The following CADM1 variants were observed in gnomAD, a reference collection of about 807,000 sequenced individuals.
CADM1 encodes cell adhesion molecule 1.
A neutral mutation model predicts 53.1 loss-of-function variants in CADM1; 15 were observed. The ratio of observed to expected loss-of-function variants is 0.28; its 90% CI spans 0.19 to 0.44. The LOEUF (loss-of-function observed/expected upper bound fraction) is 0.44, where lower values mean the gene tolerates loss of function less well. Ranked by LOEUF, CADM1 falls within the 20% of genes least tolerant of loss-of-function variation. The probability of loss-of-function intolerance (pLI) is 1.00; values close to 1 mark genes in which losing one functional copy is unlikely to be tolerated. For synonymous variants in CADM1, 281 were observed against 243.0 expected, an observed-to-expected ratio of 1.16 and a Z score of -1.45; for missense variants, 434 against 611.3, an observed-to-expected ratio of 0.71 and a Z score of 3.06.
At chr11:115,491,381 C>A (rs1046752843) in intron 1 of CADM1, among the ~76,000 whole-genome samples, 1 of 151,914 alleles carries the variant, frequency 6.6e-6, no homozygotes, top group Non-Finnish European at 1.5e-5. Flanking sequence ...CTGGCTAACA[C>A]GGTGAAACCC....
chr11:115,193,913 C>A (rs1334055250), intron 9 of CADM1: 3 of 152,114 alleles, frequency 2.0e-5, no homozygotes, highest in Non-Finnish European at 4.4e-5. Flanking sequence ...AGTTCAGACG[C>A]CCCCGGGAGT....
intron 1 of CADM1, among the ~76,000 whole-genome samples, chr11:115,265,846 G>A (rs1323222248): frequency 3.3e-5 from 5 of 152,176 alleles, no homozygotes; most frequent in Non-Finnish European, 7.3e-5. Flanking sequence ...TTTCTTTGAG[G>A]TGGTTTGTTA....
rs150884122 is a variant in CADM1, at chr11:115,452,538, G to A, written c.124+51733C>T. On this transcript the variant is annotated intron_variant, in intron 1 of 11. Transcript: ENST00000331581. ...TGTACACAGTTATGAAATGTCATTCGGACCAGAGAGTTATATTGAGGTTTA... is the reference window on the plus strand; with the variant it reads ...TGTACACAGTTATGAAATGTCATTCAGACCAGAGAGTTATATTGAGGTTTA... Among the ~76,000 whole-genome samples the A allele has an allele frequency of 7.2e-5, 11 of 152,252 alleles. No individual in the cohort carries two copies. The East Asian group carries it at 9.6e-4, about 13-fold the overall frequency.
chr11:115,416,211 T>C (rs889844460), intron 1 of CADM1, among the ~76,000 whole-genome samples: 4 of 152,228 alleles, frequency 2.6e-5, no homozygotes, highest in African/African-American at 7.2e-5. Context: ...CATGCATTTA[T>C]GAAAAGATAA....
intron 8 of CADM1, among the ~76,000 whole-genome samples, chr11:115,204,130 T>C (rs956698438): frequency 6.6e-6 from 1 of 152,202 alleles, no homozygotes; most frequent in Non-Finnish European, 1.5e-5. Flanking sequence ...TGAAGATGTG[T>C]ATCTCCTAGC....
intron 10 of CADM1, among the ~76,000 whole-genome samples, chr11:115,186,687 A>C (rs1486709407): frequency 6.6e-6 from 1 of 152,128 alleles, no homozygotes; most frequent in African/African-American, 2.4e-5. Flanking sequence ...ATTTTCATGA[A>C]AATCTTCTAT....
intron 1 of CADM1, among the ~76,000 whole-genome samples, chr11:115,382,026 G>C (rs1946591862): frequency 6.6e-6 from 1 of 152,102 alleles, no homozygotes; most frequent in African/African-American, 2.4e-5. Flanking sequence ...TGTATTTTTA[G>C]TAGAGACAGG....
chr11:115,169,712 T>A lies in CADM1; in HGVS notation c.*6762A>T, dbSNP rs17118021. ...ACAGAGACTGATTAGTGCAGAAGAT[T>A]CCCTTCCATAGCAATACTTTTTAAT... On this transcript the variant is annotated 3_prime_UTR_variant, in exon 12 of 12. Coordinates refer to ENST00000331581, the MANE Select transcript of CADM1 (RefSeq NM_001301043.2). 0.014 allele frequency: 6,224 copies of A among 443,752 alleles called. 301 individuals carry two copies. Among genetic ancestry groups the A allele is most frequent in the African/African-American group, 0.11 (5,444 of 49,682 alleles). 27.5% of individuals were successfully genotyped at this position (443,752 alleles called of 1,614,324 possible).
At chr11:115,390,489 G>C (rs925217631) in intron 1 of CADM1, among the ~76,000 whole-genome samples, 1 of 151,788 alleles carries the variant, frequency 6.6e-6, no homozygotes, top group African/African-American at 2.4e-5. Context: ...GAGAAAAGCA[G>C]GGGAGAGACT....
intron 7 of CADM1, among the ~76,000 whole-genome samples, chr11:115,212,134 G>C (rs1409891668): frequency 6.6e-6 from 1 of 152,180 alleles, no homozygotes; most frequent in East Asian, 1.9e-4. Flanking sequence ...AGAAAGTACA[G>C]AGTTGGAGTT....
intron 1 of CADM1, among the ~76,000 whole-genome samples, chr11:115,243,355 A>G (rs1352102758): frequency 6.6e-6 from 1 of 152,242 alleles, no homozygotes; most frequent in Non-Finnish European, 1.5e-5. Flanking sequence ...CTAAAAAATT[A>G]TAAGTGATCA....
intron 1 of CADM1, among the ~76,000 whole-genome samples, chr11:115,314,384 T>C (rs971917856): frequency 1.3e-5 from 2 of 152,132 alleles, no homozygotes; most frequent in African/African-American, 4.8e-5. Context: ...CTTCTATGAA[T>C]ATAAAAAGTT....
At chr11:115,254,434 T>C (rs1942707804) in intron 1 of CADM1, among the ~76,000 whole-genome samples, 2 of 152,118 alleles carry the variant, frequency 1.3e-5, no homozygotes, top group African/African-American at 4.8e-5. Context: ...TACTTTTCGA[T>C]ATCTCGGGGA....
chr11:115,361,993 G>A (rs921064506), intron 1 of CADM1, among the ~76,000 whole-genome samples: 1 of 152,038 alleles, frequency 6.6e-6, no homozygotes, highest in Non-Finnish European at 1.5e-5. Flanking sequence ...CCCCACCTCG[G>A]CCTCTCAAAG....
chr11:115,271,493 AG>A, intron 1 of CADM1, among the ~76,000 whole-genome samples: 1 of 152,300 alleles, frequency 6.6e-6, no homozygotes, highest in East Asian at 1.9e-4. Context: ...CGTGTTAGCC[AG>A]GATGGTCTCG....
chr11:115,181,436 T>C (rs891930816), intron 10 of CADM1, among the ~76,000 whole-genome samples: 1 of 152,168 alleles, frequency 6.6e-6, no homozygotes, highest in Non-Finnish European at 1.5e-5. Context: ...TTACAGATAC[T>C]TATTTATAAG....
In CADM1 at chr11:115,172,323, GC is replaced by G. The variant is rs1156867221; in HGVS notation, c.*4150del. The G allele has an allele frequency of 6.6e-6, 1 of 152,242 alleles. No individual in the cohort carries two copies. Among genetic ancestry groups the G allele is most frequent in the East Asian group, 1.9e-4 (1 of 5,192 alleles). The allele number at this position is 152,242 out of a possible 1,614,324, so 9.4% of individuals were successfully genotyped here. ...AGGTCACTGAAGTATCGAGTCCTCT[GC>G]CCGGACTTTTCAGTACAGCCACAAG... is the stretch of plus-strand genomic sequence containing the variant. On this transcript the variant is annotated 3_prime_UTR_variant, in exon 12 of 12. Coordinates refer to ENST00000331581, the MANE Select transcript of CADM1 (RefSeq NM_001301043.2).
Position 115,174,795 on chromosome 11 carries a change from G to T in CADM1, c.*1679C>A, listed in dbSNP as rs1938946110. On this transcript the variant is annotated 3_prime_UTR_variant, in exon 12 of 12. Transcript: ENST00000331581. ...TTTTTTGATGCCATCTTTCCATAGG[G>T]ACTGTTAGCTGGAGTCTGGAGTCTT... 1.1e-6 allele frequency: 1 copy of T among 948,338 alleles called. No individual in the cohort carries two copies. The highest frequency in any genetic ancestry group is 1.3e-6 in the Non-Finnish European group (1 of 796,124). The allele number at this position is 948,338 out of a possible 1,614,324, so 58.7% of individuals were successfully genotyped here. A position where few individuals can be genotyped will look rare whatever the true frequency, so the allele number is the denominator to read the frequency against.
At chr11:115,229,478 A>G (rs1941742274) in intron 4 of CADM1, among the ~76,000 whole-genome samples, 1 of 152,196 alleles carries the variant, frequency 6.6e-6, no homozygotes, top group Non-Finnish European at 1.5e-5. Flanking sequence ...GCAGCATAGT[A>G]TTTAAGATAT....
Sources: allele counts gnomAD v4.1 joint callset (sites outside exome capture counted in the v4.1 genomes callset), GRCh38; gene constraint gnomAD v4.1.1; transcripts MANE v1.5; gene names NCBI Gene and HGNC (gene_info 2026-07-23, HGNC 2026-07-21).